IMMP2L: variants seen among roughly 807,000 people sequenced by gnomAD.
IMMP2L encodes inner mitochondrial membrane peptidase subunit 2.
In IMMP2L, 18 loss-of-function variants were observed where a neutral mutation model predicts 19.3. The ratio of observed to expected loss-of-function variants is 0.93; its 90% CI spans 0.64 to 1.38. IMMP2L has a LOEUF of 1.38. IMMP2L is among the 40% of genes most tolerant of loss of function. The probability of loss-of-function intolerance (pLI) is 0.00; values close to 1 mark genes in which losing one functional copy is unlikely to be tolerated. For synonymous variants in IMMP2L, 76 were observed against 73.0 expected (o/e 1.04, Z -0.21); for missense variants, 233 against 218.2 (o/e 1.07, Z -0.43).
chr7:111,006,128 G>A (rs1454382105), intron 3 of IMMP2L, among the ~76,000 whole-genome samples: 11 of 152,010 alleles, frequency 7.2e-5, no homozygotes, highest in Non-Finnish European at 1.0e-4. Context: ...TCTCCCATGC[G>A]GTTTAGGAAA....
intron 2 of IMMP2L, among the ~76,000 whole-genome samples, chr7:111,515,911 A>G (rs1845835245): frequency 6.6e-6 from 1 of 152,162 alleles, no homozygotes; most frequent in Non-Finnish European, 1.5e-5. Context: ...AAACCAAAAT[A>G]AAATGGAATA....
intron 3 of IMMP2L, among the ~76,000 whole-genome samples, chr7:111,144,992 T>C (rs888919246): frequency 1.3e-5 from 2 of 152,056 alleles, no homozygotes; most frequent in African/African-American, 2.4e-5. Context: ...TTGTCTAACC[T>C]GGGAGAGTTG....
chr7:111,331,006 A>T (rs1825821420), intron 3 of IMMP2L, among the ~76,000 whole-genome samples: 1 of 151,908 alleles, frequency 6.6e-6, no homozygotes, highest in Non-Finnish European at 1.5e-5. Flanking sequence ...ATCGATTATG[A>T]AAAACTGTAT....
In IMMP2L at chr7:110,826,743, G is replaced by A. The variant is rs530600577; in HGVS notation, c.408+59850C>T. On this transcript the variant is annotated intron_variant, in intron 5 of 5. Coordinates refer to ENST00000405709, the MANE Select transcript of IMMP2L (RefSeq NM_032549.4). ...AGGAGATATACCTAATGTAAATGAC[G>A]ACTTAATGTGTGCAGCACACCAACA... Among the ~76,000 whole-genome samples the A allele has an allele frequency of 4.6e-5, 7 of 151,952 alleles. No homozygotes were observed. The South Asian group carries it at 6.2e-4, about 14-fold the overall frequency.
intron 3 of IMMP2L, among the ~76,000 whole-genome samples, chr7:111,037,687 C>T (rs1457393783): frequency 6.6e-6 from 1 of 152,150 alleles, no homozygotes; most frequent in Non-Finnish European, 1.5e-5. Context: ...TACTTTCTAG[C>T]TTATCTTACA....
In IMMP2L at chr7:111,444,548, C is replaced by T. The variant is rs369821324; in HGVS notation, c.239+42690G>A. 1.4e-4 allele frequency among the ~76,000 whole-genome samples: 22 copies of T among 152,258 alleles called. No individual in the cohort carries two copies. In the South Asian group the frequency reaches 4.3e-3, roughly 30 times the overall value. ...AGCGTCTAGCATTGTTAAGTGCCTG[C>T]AAATAAGTGTTGAATTTTTTTAAAT... is the stretch of plus-strand genomic sequence containing the variant. On this transcript the variant is annotated intron_variant, in intron 3 of 5. Transcript: ENST00000405709.
chr7:111,426,632 T>C (rs1331289693), intron 3 of IMMP2L, among the ~76,000 whole-genome samples: 2 of 151,328 alleles, frequency 1.3e-5, no homozygotes, highest in Non-Finnish European at 3.0e-5. Flanking sequence ...TTAGAGACTT[T>C]AAATATGTTA....
At chr7:111,139,914 A>G (rs976128569) in intron 3 of IMMP2L, among the ~76,000 whole-genome samples, 1 of 152,100 alleles carries the variant, frequency 6.6e-6, no homozygotes, top group African/African-American at 2.4e-5. Context: ...CACTCTTCAA[A>G]AACTGAAACT....
At chr7:111,055,129 C>A (rs1356466415) in intron 3 of IMMP2L, among the ~76,000 whole-genome samples, 1 of 151,724 alleles carries the variant, frequency 6.6e-6, no homozygotes, top group African/African-American at 2.4e-5. Flanking sequence ...CGTCTCACTG[C>A]AGTCTCAAAC....
At chr7:111,314,393 T>A (rs994172268) in intron 3 of IMMP2L, among the ~76,000 whole-genome samples, 3 of 152,162 alleles carry the variant, frequency 2.0e-5, no homozygotes, top group African/African-American at 7.2e-5. Flanking sequence ...AAGAAAAGGT[T>A]AGACAGGCAA....
At chr7:110,921,569 T>C in intron 4 of IMMP2L, among the ~76,000 whole-genome samples, 1 of 152,208 alleles carries the variant, frequency 6.6e-6, no homozygotes, top group East Asian at 1.9e-4. Context: ...CACTGTAAAG[T>C]GCACATAAGA....
At chr7:111,176,795 A>G (rs902274849) in intron 3 of IMMP2L, among the ~76,000 whole-genome samples, 64 of 150,634 alleles carry the variant, frequency 4.2e-4, no homozygotes, top group African/African-American at 1.5e-3. Flanking sequence ...ACCCATTCGA[A>G]CCATAAACAA....
intron 5 of IMMP2L, among the ~76,000 whole-genome samples, chr7:110,712,906 G>T (rs1029447147): frequency 1.4e-5 from 2 of 142,052 alleles, no homozygotes; most frequent in African/African-American, 5.4e-5. Flanking sequence ...TGCGCACACT[G>T]TCTGGCACTC....
chr7:110,700,388 C>A (rs1431124861), intron 5 of IMMP2L, among the ~76,000 whole-genome samples: 1 of 122,954 alleles, frequency 8.1e-6, no homozygotes, highest in Non-Finnish European at 1.9e-5. Flanking sequence ...TGCCACCATC[C>A]CAAACCCGCA....
At position 111,349,894 on chromosome 7, in the gene IMMP2L, C is replaced by T. The variant is rs114351537; in HGVS notation, c.239+137344G>A. Among the ~76,000 whole-genome samples, 510 of 152,034 alleles carry T rather than the reference C, an allele frequency of 3.4e-3. 4 individuals carry two copies. The highest frequency in any genetic ancestry group is 0.012 in the African/African-American group (492 of 41,484). ...TTCTCTGATGTAGAATAAGAGTCCC[C>T]GACCCACACCCAATATCATGGCTCT... is the stretch of plus-strand genomic sequence containing the variant. On this transcript the variant is annotated intron_variant, in intron 3 of 5. Coordinates refer to ENST00000405709, the MANE Select transcript of IMMP2L (RefSeq NM_032549.4).
chr7:111,257,858 G>A (rs1287645846), intron 3 of IMMP2L, among the ~76,000 whole-genome samples: 2 of 151,700 alleles, frequency 1.3e-5, no homozygotes, highest in South Asian at 2.1e-4. Context: ...AGGTATACAT[G>A]TGCCAGTTGC....
At chr7:111,441,683 T>C (rs1475353554) in intron 3 of IMMP2L, among the ~76,000 whole-genome samples, 2 of 150,188 alleles carry the variant, frequency 1.3e-5, no homozygotes, top group African/African-American at 5.0e-5. Flanking sequence ...CCCAACGGAC[T>C]TCCTTGACAC....
At chr7:110,943,645 C>T (rs1425731906) in intron 4 of IMMP2L, among the ~76,000 whole-genome samples, 1 of 151,974 alleles carries the variant, frequency 6.6e-6, no homozygotes, top group Non-Finnish European at 1.5e-5. Flanking sequence ...AGCAGAGCCT[C>T]ATGCAACCCA....
At chr7:111,033,216 T>C (rs1427336836) in intron 3 of IMMP2L, among the ~76,000 whole-genome samples, 1 of 152,212 alleles carries the variant, frequency 6.6e-6, no homozygotes, top group African/African-American at 2.4e-5. Context: ...ATATGACAAG[T>C]ATATGAAATG....
Sources: allele counts gnomAD v4.1 joint callset (sites outside exome capture counted in the v4.1 genomes callset), GRCh38; gene constraint gnomAD v4.1.1; transcripts MANE v1.5; gene names NCBI Gene and HGNC (gene_info 2026-07-23, HGNC 2026-07-21).